RAB1A: variants seen among roughly 807,000 people sequenced by gnomAD.
RAB1A encodes the protein RAB1A, member RAS oncogene family, also known as ras-related protein Rab-1A.
A neutral mutation model predicts 26.0 loss-of-function variants in RAB1A; 2 were observed. The observed-to-expected ratio is 0.08, with a 90% CI of 0.03 to 0.24. RAB1A has a LOEUF of 0.24. Ranked by LOEUF, RAB1A falls within the 10% of genes least tolerant of loss-of-function variation. The probability of loss-of-function intolerance (pLI) is 1.00; values close to 1 mark genes in which losing one functional copy is unlikely to be tolerated. For missense variants in RAB1A, 100 were observed against 247.0 expected (o/e 0.40, Z 3.99); for synonymous variants, 84 against 84.9 (o/e 0.99, Z 0.06).
intron 1 of RAB1A, among the ~76,000 whole-genome samples, chr2:65,125,983 T>C (rs2103888979): frequency 6.7e-6 from 1 of 149,208 alleles, no homozygotes; most frequent in South Asian, 2.2e-4. Context: ...GAGATTGTCC[T>C]GCCTCAGCCT....
At chr2:65,091,889 G>A (rs751582368) in intron 3 of RAB1A, among the ~76,000 whole-genome samples, 1 of 152,168 alleles carries the variant, frequency 6.6e-6, no homozygotes, top group Non-Finnish European at 1.5e-5. Flanking sequence ...TTCATAAAAC[G>A]TATTTTAAGA....
chr2:65,128,081 A>T (rs188495700), intron 1 of RAB1A, among the ~76,000 whole-genome samples: 1 of 152,298 alleles, frequency 6.6e-6, no homozygotes, highest in East Asian at 1.9e-4. Flanking sequence ...AAATCCTGGT[A>T]CTAATAGAAT....
chr2:65,097,002 G>A (rs553354009), intron 3 of RAB1A, among the ~76,000 whole-genome samples: 1 of 151,800 alleles, frequency 6.6e-6, no homozygotes, highest in South Asian at 2.1e-4. Flanking sequence ...TGGGTCTCAG[G>A]GTTACTTCGG....
At chr2:65,102,893 T>G (rs1373318543) in intron 2 of RAB1A, among the ~76,000 whole-genome samples, 1 of 149,416 alleles carries the variant, frequency 6.7e-6, no homozygotes, top group Admixed American at 6.7e-5. Context: ...GCCACTGCAC[T>G]CCAGCCTGGG....
intron 2 of RAB1A, among the ~76,000 whole-genome samples, chr2:65,099,379 A>G (rs1267930940): frequency 2.0e-5 from 3 of 152,236 alleles, no homozygotes; most frequent in African/African-American, 4.8e-5. Flanking sequence ...ATGGAATAAA[A>G]ATATTTCTCG....
rs1161134792 is a variant in RAB1A at position 65,088,546 on chromosome 2, T to C, written c.565A>G (p.Asn189Asp). Residue 189 changes from asparagine (N) to aspartate (D), a missense_variant, in exon 6 of 6, where the codon AAT becomes GAT. Coordinates refer to ENST00000409784, the MANE Select transcript of RAB1A (RefSeq NM_004161.5). ...ACTGGAGTGCTCTGAATTTTAACAT[T>C]GGACTTCTCAGCACCACCAGCTGTT... The part of the protein sequence containing the change: ...GATAGGAEKS[N>D]VKIQSTPVKQ... 6.2e-7 allele frequency: 1 copy of C among 1,613,552 alleles called. No individual in the cohort carries two copies. The highest frequency in any genetic ancestry group is 2.2e-5 in the East Asian group (1 of 44,878).
At chr2:65,107,228 G>A (rs1419854623) in intron 1 of RAB1A, among the ~76,000 whole-genome samples, 1 of 152,038 alleles carries the variant, frequency 6.6e-6, no homozygotes, top group East Asian at 1.9e-4. Flanking sequence ...AACACACCCA[G>A]CTAATTTTTG....
In RAB1A at chr2:65,088,468, T is replaced by C. The variant is rs759806008; in HGVS notation, c.*25A>G. 1 of 1,574,224 alleles carries C rather than the reference T, an allele frequency of 6.4e-7. No homozygotes were observed. Among genetic ancestry groups the C allele is most frequent in the Non-Finnish European group, 8.6e-7 (1 of 1,159,478 alleles). ...TGGGTTCAGATTGCAAATTCATTGCTGTGAGAAAAGGATGGAGGCAAATTT... is the reference window on the plus strand; with the variant it reads ...TGGGTTCAGATTGCAAATTCATTGCCGTGAGAAAAGGATGGAGGCAAATTT... On this transcript the variant is annotated 3_prime_UTR_variant, in exon 6 of 6. Coordinates refer to ENST00000409784, the MANE Select transcript of RAB1A (RefSeq NM_004161.5).
chr2:65,108,758 A>C (rs1210128335), intron 1 of RAB1A, among the ~76,000 whole-genome samples: 2 of 152,186 alleles, frequency 1.3e-5, no homozygotes, highest in Admixed American at 6.5e-5. Flanking sequence ...GTGAGTCAAG[A>C]TCACATCATT....
At chr2:65,095,516 CTTTTTT>C (rs35819441) in intron 3 of RAB1A, among the ~76,000 whole-genome samples, 2 of 125,960 alleles carry the variant, frequency 1.6e-5, no homozygotes, top group Admixed American at 8.2e-5. Context: ...CACCTGGTTA[CTTTTTT>C]TTTTTTTTTT....
At chr2:65,121,257 A>C (rs1669959572) in intron 1 of RAB1A, among the ~76,000 whole-genome samples, 1 of 138,386 alleles carries the variant, frequency 7.2e-6, no homozygotes. Context: ...AAAAAAAACC[A>C]TAGCCACGTG....
At chr2:65,100,846 T>A (rs1669407784) in intron 2 of RAB1A, among the ~76,000 whole-genome samples, 1 of 150,252 alleles carries the variant, frequency 6.7e-6, no homozygotes, top group Non-Finnish European at 1.5e-5. Flanking sequence ...GGTACTTGGA[T>A]AGAAATACTG....
intron 1 of RAB1A, among the ~76,000 whole-genome samples, chr2:65,126,816 A>C (rs1254049452): frequency 6.6e-6 from 1 of 152,236 alleles, no homozygotes; most frequent in African/African-American, 2.4e-5. Context: ...TATTTGCGTG[A>C]TAAAACACTA....
In RAB1A at chr2:65,088,203, T is replaced by C. The variant is rs995821367; in HGVS notation, c.*290A>G. 2 of 297,938 alleles carry C rather than the reference T, an allele frequency of 6.7e-6. No homozygotes were observed. The highest frequency in any genetic ancestry group is 4.3e-5 in the African/African-American group (2 of 46,120). The allele number at this position is 297,938 out of a possible 1,614,324, so 18.5% of individuals were successfully genotyped here. A position where few individuals can be genotyped will look rare whatever the true frequency, so the allele number is the denominator to read the frequency against. ...ATAAACATCAAAACAAAATATATTC[T>C]AACCAACCACGGGAAACAGTCTGGT... On this transcript the variant is annotated 3_prime_UTR_variant, in exon 6 of 6. Coordinates refer to ENST00000409784, the MANE Select transcript of RAB1A (RefSeq NM_004161.5).
intron 4 of RAB1A, 138 bp downstream of exon 4, chr2:65,090,845 A>T: frequency 2.1e-6 from 1 of 468,832 alleles, no homozygotes; most frequent in Non-Finnish European, 3.7e-6. Context: ...ATTCACATTT[A>T]TATTTGAGAG....
chr2:65,116,320 G>C lies in RAB1A; in HGVS notation c.24-11514C>G, dbSNP rs535705054. Reference sequence around the variant, plus strand: ...ATTTGCTGAAAAACACACCAAGAACGGGGTGTCAACGTTCTCTACCTCCTT... The same window carrying C: ...ATTTGCTGAAAAACACACCAAGAACCGGGTGTCAACGTTCTCTACCTCCTT... On this transcript the variant is annotated intron_variant, in intron 1 of 5. Transcript: ENST00000409784. Among the ~76,000 whole-genome samples, 3 of 152,150 alleles carry C rather than the reference G, an allele frequency of 2.0e-5. No homozygotes were observed. In the East Asian group the frequency reaches 5.8e-4, roughly 29 times the overall value.
intron 3 of RAB1A, among the ~76,000 whole-genome samples, chr2:65,096,106 T>C (rs1036979148): frequency 1.3e-5 from 2 of 152,044 alleles, no homozygotes; most frequent in East Asian, 1.9e-4. Flanking sequence ...CGAGCCAAGA[T>C]TGCACCACTG....
chr2:65,127,894 C>A lies in RAB1A; in HGVS notation c.23+1999G>T, dbSNP rs182213241. On this transcript the variant is annotated intron_variant, in intron 1 of 5. Coordinates refer to ENST00000409784, the MANE Select transcript of RAB1A (RefSeq NM_004161.5). Reference sequence around the variant, plus strand: ...GACTACAGGTGCCCACCACCACGCCCGGCTAATTTTTTTGCATTTTTAGTA... The same window carrying A: ...GACTACAGGTGCCCACCACCACGCCAGGCTAATTTTTTTGCATTTTTAGTA... 7.2e-3 allele frequency among the ~76,000 whole-genome samples: 1,090 copies of A among 152,174 alleles called. 6 individuals are homozygous for A. Among genetic ancestry groups the A allele is most frequent in the Non-Finnish European group, 0.012 (819 of 67,996 alleles).
Position 65,129,992 on chromosome 2 carries a change from A to C in RAB1A, c.-77T>G. 6.7e-7 allele frequency: 1 copy of C among 1,492,532 alleles called. No individual in the cohort carries two copies. The highest frequency in any genetic ancestry group is 9.1e-7 in the Non-Finnish European group (1 of 1,093,636). 92.5% of individuals were successfully genotyped at this position (1,492,532 alleles called of 1,614,324 possible). On this transcript the variant is annotated 5_prime_UTR_variant, in exon 1 of 6. Coordinates refer to ENST00000409784, the MANE Select transcript of RAB1A (RefSeq NM_004161.5). ...GCCCTGACTCTCCGCGCCACGGGTA[A>C]TCGAAAGAAAGGAATGAGATAGGCT...
Sources: allele counts gnomAD v4.1 joint callset (sites outside exome capture counted in the v4.1 genomes callset), GRCh38; gene constraint gnomAD v4.1.1; transcripts MANE v1.5; gene names NCBI Gene and HGNC (gene_info 2026-07-23, HGNC 2026-07-21).